Variants in ATRN observed in about 807,000 individuals in gnomAD.
ATRN encodes attractin-2.
In ATRN, 54 loss-of-function variants were observed where a neutral mutation model predicts 178.7. The observed-to-expected ratio is 0.30, with a 90% CI of 0.24 to 0.38. The LOEUF (loss-of-function observed/expected upper bound fraction) is 0.38. Among genes scored for constraint, ATRN ranks in the 10% least tolerant of loss-of-function variants. The pLI is 1.00. For synonymous variants in ATRN, 636 were observed against 663.0 expected (o/e 0.96, Z 0.63); for missense variants, 1,443 against 1,815.1 (o/e 0.79, Z 3.73).
chr20:3,622,358 G>T (rs149450407), intron 24 of ATRN, among the ~76,000 whole-genome samples: 21 of 152,292 alleles, frequency 1.4e-4, no homozygotes, highest in Non-Finnish European at 2.6e-4. Flanking sequence ...GGTTTTGTGC[G>T]AGCAGTTCTC....
rs918489607 is a variant in ATRN, at chr20:3,649,740, T to C, written c.*2893T>C. ...GTCTTGTCCTGAGAAATGTTTCTCT[T>C]AGTCTTTAAGTTCAAAGACTAACCT... On this transcript the variant is annotated 3_prime_UTR_variant, in exon 29 of 29. Coordinates refer to ENST00000262919, the MANE Select transcript of ATRN (RefSeq NM_139321.3). 5.3e-5 allele frequency: 8 copies of C among 152,234 alleles called. No individual in the cohort carries two copies. The highest frequency in any genetic ancestry group is 1.7e-4 in the African/African-American group (7 of 41,452). The allele number at this position is 152,234 out of a possible 1,614,324, so 9.4% of individuals were successfully genotyped here. A position where few individuals can be genotyped will look rare whatever the true frequency, so the allele number is the denominator to read the frequency against.
rs375144343 is a variant in ATRN, at chr20:3,622,588, C to T, written c.3802-1923C>T. Among the ~76,000 whole-genome samples the T allele has an allele frequency of 6.7e-4, 102 of 152,352 alleles. 1 individual carries two copies. Among genetic ancestry groups the T allele is most frequent in the Non-Finnish European group, 1.3e-3 (89 of 68,034 alleles). On this transcript the variant is annotated intron_variant, in intron 24 of 28. Coordinates refer to ENST00000262919, the MANE Select transcript of ATRN (RefSeq NM_139321.3). ...TTGAACAATAAGTTTGTCATCTTGT[C>T]AGTCAAAGGTTGACCAACAAAGACT... is the stretch of plus-strand genomic sequence containing the variant.
At chr20:3,589,656 G>T (rs987846656) in intron 18 of ATRN, among the ~76,000 whole-genome samples, 4 of 151,956 alleles carry the variant, frequency 2.6e-5, no homozygotes, top group Non-Finnish European at 5.9e-5. Context: ...TAAATGTGTA[G>T]ATCTGTCAAT....
intron 1 of ATRN, among the ~76,000 whole-genome samples, chr20:3,496,819 G>T (rs1208918518): frequency 6.6e-6 from 1 of 150,872 alleles, no homozygotes; most frequent in Non-Finnish European, 1.5e-5. Flanking sequence ...GGTCGCTCAG[G>T]ACTTGCTTTA....
intron 13 of ATRN, 92 bp downstream of exon 13, chr20:3,576,040 G>A (rs1400748282): frequency 7.4e-7 from 1 of 1,352,100 alleles, no homozygotes. Flanking sequence ...ATGGCCCAGA[G>A]TTACTTTTCA....
chr20:3,630,654 A>G (rs773899181), intron 25 of ATRN, among the ~76,000 whole-genome samples: 10 of 152,194 alleles, frequency 6.6e-5, no homozygotes, highest in Non-Finnish European at 1.5e-4. Flanking sequence ...GGGCGACCGA[A>G]TGACACTATC....
intron 23 of ATRN, among the ~76,000 whole-genome samples, chr20:3,603,019 A>C (rs2422907): frequency 0.1 from 15,164 of 149,356 alleles, 953 homozygotes; most frequent in East Asian, 0.24. Context: ...TGTCTCAATG[A>C]AGACGTGATA....
intron 1 of ATRN, among the ~76,000 whole-genome samples, chr20:3,514,527 T>C (rs2085180459): frequency 6.6e-6 from 1 of 152,172 alleles, no homozygotes; most frequent in Non-Finnish European, 1.5e-5. Context: ...ATTTGAGAAA[T>C]TTAAGGTTGA....
intron 1 of ATRN, among the ~76,000 whole-genome samples, chr20:3,495,718 G>A (rs2084868792): frequency 6.6e-6 from 1 of 151,762 alleles, no homozygotes; most frequent in South Asian, 2.1e-4. Flanking sequence ...CTATAAAAGG[G>A]AAGGAGGAAT....
At chr20:3,617,922 C>T (rs141635045) in intron 24 of ATRN, among the ~76,000 whole-genome samples, 2 of 152,290 alleles carry the variant, frequency 1.3e-5, no homozygotes, top group East Asian at 3.9e-4. Flanking sequence ...CTCCCTCAAA[C>T]CAGCCCACCT....
Position 3,471,284 on chromosome 20 carries a change from A to C in ATRN, c.177A>C (p.Pro59=), listed in dbSNP as rs987494226. 79 of 1,467,458 alleles carry C rather than the reference A, an allele frequency of 5.4e-5. No individual in the cohort carries two copies. The highest frequency in any genetic ancestry group is 6.6e-5 in the Non-Finnish European group (74 of 1,118,664). 90.9% of individuals were successfully genotyped at this position (1,467,458 alleles called of 1,614,324 possible). A position where few individuals can be genotyped will look rare whatever the true frequency, so the allele number is the denominator to read the frequency against. Reference sequence around the variant, plus strand: ...GGCTGCTGTCTCCACCGCTGCGGCCACGGCTGCTGCTGCTGCTGTTGTTGC... The same window carrying C: ...GGCTGCTGTCTCCACCGCTGCGGCCCCGGCTGCTGCTGCTGCTGTTGTTGC... ...LPRLLSPPLR[P]RLLLLLLLLS... is the part of the protein sequence containing the mutation. The change falls in exon 1 of 29, where the codon CCA becomes CCC. Residue 59 remains proline (P), a synonymous_variant. Coordinates refer to ENST00000262919, the MANE Select transcript of ATRN (RefSeq NM_139321.3).
intron 6 of ATRN, among the ~76,000 whole-genome samples, chr20:3,554,732 T>C (rs1016622740): frequency 6.6e-6 from 1 of 152,144 alleles, no homozygotes; most frequent in Non-Finnish European, 1.5e-5. Context: ...CGCAAAACTT[T>C]TTAGTTGCAT....
intron 1 of ATRN, among the ~76,000 whole-genome samples, chr20:3,512,800 C>G (rs2085154612): frequency 6.6e-6 from 1 of 152,222 alleles, no homozygotes; most frequent in South Asian, 2.1e-4. Context: ...GATCGCCATT[C>G]TAACTGGTGT....
intron 1 of ATRN, among the ~76,000 whole-genome samples, chr20:3,495,620 A>G (rs2084867446): frequency 6.6e-6 from 1 of 152,196 alleles, no homozygotes; most frequent in African/African-American, 2.4e-5. Flanking sequence ...TATAAAACAA[A>G]ATTCAATAGC....
intron 1 of ATRN, among the ~76,000 whole-genome samples, chr20:3,507,531 G>A (rs893567704): frequency 2.4e-4 from 37 of 152,018 alleles, no homozygotes; most frequent in African/African-American, 8.9e-4. Flanking sequence ...GAAAAAAAGA[G>A]TGGAGCAGAA....
chr20:3,579,660 G>T (rs2086257108), intron 15 of ATRN, among the ~76,000 whole-genome samples: 1 of 152,116 alleles, frequency 6.6e-6, no homozygotes, highest in Non-Finnish European at 1.5e-5. Flanking sequence ...AATATTCCAT[G>T]ATCACATTTT....
At chr20:3,588,148 C>CT (rs1227934401) in intron 18 of ATRN, among the ~76,000 whole-genome samples, 1 of 152,136 alleles carries the variant, frequency 6.6e-6, no homozygotes, top group African/African-American at 2.4e-5. Flanking sequence ...ACGCCTGGCC[C>CT]TTGCCATCTT....
rs530894864 is a variant in ATRN, at chr20:3,595,655, G to A, written c.3417-722G>A. ...GCTGATGCAACAAAGACATGAGGTG[G>A]CATCAAGTAAGACTTTCAAGTTCCT... On this transcript the variant is annotated intron_variant, in intron 20 of 28. Transcript: ENST00000262919. 6.6e-5 allele frequency among the ~76,000 whole-genome samples: 10 copies of A among 152,310 alleles called. No individual in the cohort carries two copies. In the South Asian group the frequency reaches 1.0e-3, roughly 16 times the overall value.
intron 1 of ATRN, among the ~76,000 whole-genome samples, chr20:3,533,333 C>T (rs900496770): frequency 7.2e-5 from 11 of 152,246 alleles, no homozygotes; most frequent in Non-Finnish European, 2.9e-5. Flanking sequence ...GGTTACACAT[C>T]ATAGCCTTTT....
Sources: allele counts gnomAD v4.1 joint callset (sites outside exome capture counted in the v4.1 genomes callset), GRCh38; gene constraint gnomAD v4.1.1; transcripts MANE v1.5; gene names NCBI Gene and HGNC (gene_info 2026-07-23, HGNC 2026-07-21).